Variants in PCDHGA2 observed in about 807,000 individuals in gnomAD.
The protein encoded by PCDHGA2 is protocadherin gamma-A2.
A neutral mutation model predicts 59.2 loss-of-function variants in PCDHGA2; 40 were observed. The ratio of observed to expected loss-of-function variants is 0.68; its 90% confidence interval spans 0.52 to 0.88. The LOEUF is 0.88. PCDHGA2 is among the 40% of genes least tolerant of loss of function. The pLI, the probability that PCDHGA2 is intolerant of heterozygous loss-of-function variation, is 0.00. For synonymous variants in PCDHGA2, 560 were observed against 526.0 expected, an observed-to-expected ratio of 1.06 and a Z score of -0.89; for missense variants, 1,226 against 1,204.0, an observed-to-expected ratio of 1.02 and a Z score of -0.27.
intron 1 of PCDHGA2, chr5:141,395,547 TGTGTGTGTGTGTGTGTG>T (rs2093270399): frequency 1.4e-4 from 25 of 174,246 alleles, no homozygotes; most frequent in Middle Eastern, 2.2e-3. Context: ...ATTGTTTGTG[TGTGTGTGTGTGTGTGTG>T]TGTGTGTGTG....
rs1377364370 is a variant in PCDHGA2, at chr5:141,477,489, C to T, written c.2425-17318C>T. 1 of 1,614,048 alleles carries T rather than the reference C, an allele frequency of 6.2e-7. No homozygotes were observed. Among genetic ancestry groups the T allele is most frequent in the Non-Finnish European group, 8.5e-7 (1 of 1,180,044 alleles). On this transcript the variant is annotated intron_variant, in intron 1 of 3. Coordinates refer to ENST00000394576, the MANE Select transcript of PCDHGA2 (RefSeq NM_018915.4). This position sits in a 1 kb window ranked among gnomAD's most constrained non-coding sequence, Gnocchi z 4.9. ...ATCAATGACAACCCTCCACAATCTT[C>T]TCAATCTTCCTACGACGTTTACATT...
rs754938154 is a variant in PCDHGA2, at chr5:141,339,735, C to T, written c.764C>T (p.Thr255Met). 8.7e-6 allele frequency: 14 copies of T among 1,613,980 alleles called. No homozygotes were observed. The highest frequency in any genetic ancestry group is 2.2e-5 in the South Asian group (2 of 91,090). Reference protein sequence around the residue: ...PEYRISIPENTLVGTRILTVT... With the variant: ...PEYRISIPENMLVGTRILTVT... The stretch of plus-strand genomic sequence containing the variant: ...TACCGCATAAGCATTCCGGAGAATA[C>T]GCTCGTGGGCACCCGGATACTCACG... Residue 255 changes from threonine (T) to methionine (M), a missense_variant, in exon 1 of 4, where the codon ACG becomes ATG. Physicochemically the swap from Thr to Met is moderately conservative, Grantham distance 81. Coordinates refer to ENST00000394576, the MANE Select transcript of PCDHGA2 (RefSeq NM_018915.4).
At chr5:141,483,812 A>C (rs1188806533) in intron 1 of PCDHGA2, among the ~76,000 whole-genome samples, 2 of 152,162 alleles carry the variant, frequency 1.3e-5, no homozygotes, top group Non-Finnish European at 2.9e-5. Context: ...TTTTTTTGGC[A>C]GCCAGTGTAA....
rs2233607 is a variant in PCDHGA2 at position 141,490,647 on chromosome 5, G to A, written c.2425-4160G>A. The A allele has an allele frequency of 2.5e-3, 3,973 of 1,614,082 alleles. 41 individuals carry two copies. The African/African-American group carries it at 0.027, about 11-fold the overall frequency. ...CTTACATCCTAGAAAACCGGCCTCC[G>A]GGCTCCCTTCTTTGCACTGTGGCTG... is the stretch of plus-strand genomic sequence containing the variant. On this transcript the variant is annotated intron_variant, in intron 1 of 3. Transcript: ENST00000394576. The surrounding 1 kb of genome is among the most constrained non-coding windows in gnomAD (Gnocchi z 5.4).
Position 141,511,565 on chromosome 5 carries a change from AG to A in PCDHGA2, c.*393del, listed in dbSNP as rs2099883852. 6.8e-6 allele frequency: 2 copies of A among 296,092 alleles called. No homozygotes were observed. Among genetic ancestry groups the A allele is most frequent in the South Asian group, 7.4e-5 (2 of 26,988 alleles). The allele number at this position is 296,092 out of a possible 1,614,324, so 18.3% of individuals were successfully genotyped here. On this transcript the variant is annotated 3_prime_UTR_variant, in exon 4 of 4. Transcript: ENST00000394576. ...CCACTCCAACAGTTCCTCTTTCCCG[AG>A]TAAGGTGGTTGGGGTGTTGAAGTAC...
chr5:141,340,513 C>G lies in PCDHGA2; in HGVS notation c.1542C>G (p.Leu514=). The change falls in exon 1 of 4, where the codon CTC becomes CTG. Residue 514 remains leucine (L), a synonymous_variant. Coordinates refer to ENST00000394576, the MANE Select transcript of PCDHGA2 (RefSeq NM_018915.4). ...CTATCAACTCCGACACTGGAGTACT[C>G]TATGCACTGCGCTCCTTTGATTATG... is the stretch of plus-strand genomic sequence containing the variant. The part of the protein sequence containing the change: ...YISINSDTGV[L]YALRSFDYEQ... 1 of 1,614,260 alleles carries G rather than the reference C, an allele frequency of 6.2e-7. No individual in the cohort carries two copies. Among genetic ancestry groups the G allele is most frequent in the East Asian group, 2.2e-5 (1 of 44,882 alleles).
Position 141,412,876 on chromosome 5 carries a change from A to G in PCDHGA2, c.2424+71481A>G, listed in dbSNP as rs1206092699. 12 of 281,096 alleles carry G rather than the reference A, an allele frequency of 4.3e-5. No homozygotes were observed. The East Asian group carries it at 7.9e-4, about 19-fold the overall frequency. The allele number at this position is 281,096 out of a possible 1,614,324, so 17.4% of individuals were successfully genotyped here. A position where few individuals can be genotyped will look rare whatever the true frequency, so the allele number is the denominator to read the frequency against. On this transcript the variant is annotated intron_variant, in intron 1 of 3. Coordinates refer to ENST00000394576, the MANE Select transcript of PCDHGA2 (RefSeq NM_018915.4). ...CAAAGAATCTATGTAAAATATAATAATCCAACAGAATAGTTTACTTTCCAT... is the reference window on the plus strand; with the variant it reads ...CAAAGAATCTATGTAAAATATAATAGTCCAACAGAATAGTTTACTTTCCAT...
chr5:141,392,658 C>T, intron 1 of PCDHGA2: 1 of 778,114 alleles, frequency 1.3e-6, no homozygotes, highest in Non-Finnish European at 1.9e-6. Context: ...CCGCAGATGC[C>T]ACAAACTAAC....
At chr5:141,361,023 A>C (rs1171139053) in intron 1 of PCDHGA2, 1 of 1,613,384 alleles carries the variant, frequency 6.2e-7, no homozygotes. Flanking sequence ...ACTTAAATGA[A>C]AAAACAGGAG....
rs771360423 is a variant in PCDHGA2, at chr5:141,339,142, G to T, written c.171G>T (p.Leu57=). ...CCAAGGACTTGGGTTTGGAGCCCCT[G>T]GCACTGGCAGAGCAGGGAGTCCGCA... The part of the protein sequence containing the change: ...NIAKDLGLEP[L]ALAEQGVRIV... Residue 57 remains leucine (L), a synonymous_variant, in exon 1 of 4, where the codon CTG becomes CTT. Coordinates refer to ENST00000394576, the MANE Select transcript of PCDHGA2 (RefSeq NM_018915.4). The T allele has an allele frequency of 6.2e-7, 1 of 1,614,220 alleles. No individual in the cohort carries two copies. Among genetic ancestry groups the T allele is most frequent in the Non-Finnish European group, 8.5e-7 (1 of 1,180,012 alleles).
intron 1 of PCDHGA2, chr5:141,373,862 A>G (rs1168900381): frequency 6.5e-6 from 3 of 464,904 alleles, no homozygotes; most frequent in Non-Finnish European, 1.1e-5. Flanking sequence ...GCTGTTGACC[A>G]ACCTGGGCAA....
rs1157645386 is a variant in PCDHGA2 at position 141,477,622 on chromosome 5, A to C, written c.2425-17185A>C. On this transcript the variant is annotated intron_variant, in intron 1 of 3. Coordinates refer to ENST00000394576, the MANE Select transcript of PCDHGA2 (RefSeq NM_018915.4). This position sits in a 1 kb window ranked among gnomAD's most constrained non-coding sequence, Gnocchi z 4.9. ...TCTTTCTCTTGGAGCAAGGAGCTGA[A>C]ACCGGGCTAGTGGGTCGCTATTTCA... 1 of 1,614,108 alleles carries C rather than the reference A, an allele frequency of 6.2e-7. No homozygotes were observed. The highest frequency in any genetic ancestry group is 2.2e-5 in the East Asian group (1 of 44,904).
chr5:141,402,949 A>C, intron 1 of PCDHGA2: 2 of 1,594,986 alleles, frequency 1.3e-6, no homozygotes, highest in South Asian at 1.1e-5. Flanking sequence ...AAAGCGAGGC[A>C]GCAATGGCAG....
chr5:141,393,972 C>T, intron 1 of PCDHGA2: 1 of 1,613,790 alleles, frequency 6.2e-7, no homozygotes, highest in Non-Finnish European at 8.5e-7. Flanking sequence ...CTGTTACACA[C>T]GTGATAATTT....
At chr5:141,428,019 G>C in intron 1 of PCDHGA2, 1 of 1,604,824 alleles carries the variant, frequency 6.2e-7, no homozygotes, top group Non-Finnish European at 8.5e-7. Flanking sequence ...AGTGCCACGC[G>C]CCGCAGAGTC....
chr5:141,346,530 T>G, intron 1 of PCDHGA2: 1 of 1,573,352 alleles, frequency 6.4e-7, no homozygotes, highest in East Asian at 2.3e-5. Flanking sequence ...TTAACACATA[T>G]GTATTTGAGA....
At chr5:141,500,450 C>A (rs2099800340) in intron 2 of PCDHGA2, among the ~76,000 whole-genome samples, 1 of 152,072 alleles carries the variant, frequency 6.6e-6, no homozygotes, top group Non-Finnish European at 1.5e-5. Flanking sequence ...ACCTCGTGAT[C>A]CGCCCGCCTC....
intron 1 of PCDHGA2, among the ~76,000 whole-genome samples, chr5:141,343,521 TTTG>T (rs1757294333): frequency 6.6e-6 from 1 of 152,220 alleles, no homozygotes; most frequent in Non-Finnish European, 1.5e-5. Context: ...CGGCCAGTTC[TTTG>T]TTACTGTGTG....
intron 1 of PCDHGA2, chr5:141,409,549 C>T: frequency 6.2e-7 from 1 of 1,614,004 alleles, no homozygotes; most frequent in Non-Finnish European, 8.5e-7. Context: ...ACGACAACGC[C>T]CCAGTTTTCG....
Sources: gnomAD v4.1 joint callset for allele counts (sites outside exome capture counted in the v4.1 genomes callset) on GRCh38, gnomAD v4.1.1 for gene constraint, Gnocchi (gnomAD v3.1) non-coding constraint, MANE v1.5 for transcripts, NCBI Gene and HGNC (gene_info 2026-07-23, HGNC 2026-07-21) for gene names.